QTRT2: variants seen among roughly 807,000 people sequenced by gnomAD.
QTRT2 encodes the protein queuine tRNA-ribosyltransferase accessory subunit 2, also known as queuine tRNA-ribosyltransferase domain containing 1.
A neutral mutation model predicts 44.8 loss-of-function variants in QTRT2; 32 were observed. That is an observed-to-expected ratio of 0.71 (90% CI 0.54 to 0.96). QTRT2 has a LOEUF of 0.96. Ranked by LOEUF, QTRT2 falls within the 40% of genes least tolerant of loss-of-function variation. The probability of loss-of-function intolerance (pLI) is 0.00; values close to 1 mark genes in which losing one functional copy is unlikely to be tolerated. For synonymous variants in QTRT2, 182 were observed against 187.4 expected (o/e 0.97, Z 0.24); for missense variants, 461 against 503.1 (o/e 0.92, Z 0.80).
chr3:114,077,390 G>A (rs60813875), intron 7 of QTRT2: 3,986 of 162,682 alleles, frequency 0.025, 152 homozygotes, highest in East Asian at 0.08. Context: ...TTAGATTTGA[G>A]GCTGGTAGTG....
At chr3:114,079,519 C>T (rs2077136730) in intron 7 of QTRT2, 2 of 167,800 alleles carry the variant, frequency 1.2e-5, no homozygotes, top group African/African-American at 2.4e-5. Context: ...GCCTGGGCAA[C>T]AAGAGTAAGA....
chr3:114,082,553 G>A, intron 8 of QTRT2, 124 bp from the exon 9 acceptor site: 1 of 519,724 alleles, frequency 1.9e-6, no homozygotes, highest in Non-Finnish European at 3.5e-6. Context: ...ATTTCCTTAG[G>A]ATAAATTCTC....
At chr3:114,081,575 C>A (rs2077165791) in intron 8 of QTRT2, among the ~76,000 whole-genome samples, 1 of 152,106 alleles carries the variant, frequency 6.6e-6, no homozygotes, top group Non-Finnish European at 1.5e-5. Flanking sequence ...GTAGCTGGGA[C>A]TACAGGTGCA....
rs564070554 is a variant in QTRT2 at position 114,065,472 on chromosome 3, C to A, written c.200+15C>A. The A allele has an allele frequency of 1.3e-6, 2 of 1,590,840 alleles. No individual in the cohort carries two copies. The highest frequency in any genetic ancestry group is 1.7e-5 in the Admixed American group (1 of 59,726). ...CTGTCATCCCTGTAAGTGTTAGAAC[C>A]AATGATTCAAGTATCAACTGTGGCA... On this transcript the variant is annotated intron_variant, in intron 3 of 9. Coordinates refer to ENST00000281273, the MANE Select transcript of QTRT2 (RefSeq NM_024638.4).
At chr3:114,063,899 A>G (rs2076919055) in intron 2 of QTRT2, among the ~76,000 whole-genome samples, 1 of 152,154 alleles carries the variant, frequency 6.6e-6, no homozygotes, top group African/African-American at 2.4e-5. Flanking sequence ...CTTTCAGAGT[A>G]TGGTATGCTA....
At chr3:114,057,213 C>CA (rs2076808408) in intron 2 of QTRT2, 107 bp downstream of exon 2, 1 of 356,518 alleles carries the variant, frequency 2.8e-6, no homozygotes, top group Non-Finnish European at 4.4e-6. Flanking sequence ...GGAGATGGCC[C>CA]ATGGAGCAAA....
intron 3 of QTRT2, 124 bp downstream of exon 3, chr3:114,065,581 A>G (rs1445503155): frequency 5.4e-6 from 4 of 742,878 alleles, no homozygotes; most frequent in African/African-American, 3.6e-5. Flanking sequence ...TAATGAAATC[A>G]GAAGAGAGGT....
chr3:114,076,823 A>C lies in QTRT2; in HGVS notation c.627A>C (p.Thr209=). The change falls in exon 7 of 10, where the codon ACA becomes ACC. Residue 209 remains threonine, a synonymous_variant. Coordinates refer to ENST00000281273, the MANE Select transcript of QTRT2 (RefSeq NM_024638.4). The part of the protein sequence containing the change: ...MEERLRSARE[T]AKRPVGGFLL... ...AGAGGCTGAGGTCAGCACGAGAGAC[A>C]GCCAAGCGGCCTGTGGGTGGCTTCC... 6.2e-7 allele frequency: 1 copy of C among 1,614,258 alleles called. No individual in the cohort carries two copies. The highest frequency in any genetic ancestry group is 8.5e-7 in the Non-Finnish European group (1 of 1,180,046).
rs2077262509 is a variant in QTRT2 at position 114,088,308 on chromosome 3, T to G, written c.*2404T>G. The G allele has an allele frequency of 2.0e-5, 3 of 152,318 alleles. No individual in the cohort carries two copies. The South Asian group carries it at 6.2e-4, about 32-fold the overall frequency. The allele number at this position is 152,318 out of a possible 1,614,324, so 9.4% of individuals were successfully genotyped here. A position where few individuals can be genotyped will look rare whatever the true frequency, so the allele number is the denominator to read the frequency against. ...TTCCTTTCCTTTATTGTAGTAAATCTATTAAAGGCAATAGCCAATAAAACA... is the reference window on the plus strand; with the variant it reads ...TTCCTTTCCTTTATTGTAGTAAATCGATTAAAGGCAATAGCCAATAAAACA... On this transcript the variant is annotated 3_prime_UTR_variant, in exon 10 of 10. Transcript: ENST00000281273.
chr3:114,084,528 G>T (rs2077211229), intron 9 of QTRT2, among the ~76,000 whole-genome samples: 1 of 152,080 alleles, frequency 6.6e-6, no homozygotes, highest in Non-Finnish European at 1.5e-5. Context: ...GCTGCAGTGT[G>T]CTATGATTGT....
intron 8 of QTRT2, 139 bp from the exon 9 acceptor site, chr3:114,082,538 G>C (rs1251433366): frequency 2.0e-6 from 1 of 491,046 alleles, no homozygotes; most frequent in African/African-American, 2.0e-5. Context: ...TCCTTTTCTT[G>C]TGTGATTTCC....
chr3:114,082,933 G>A (rs935970906), intron 9 of QTRT2, 139 bp downstream of exon 9: 9 of 629,210 alleles, frequency 1.4e-5, no homozygotes, highest in East Asian at 5.9e-5. Context: ...TCTCAAATTC[G>A]ATTTCAAAAA....
intron 8 of QTRT2, among the ~76,000 whole-genome samples, chr3:114,081,155 C>T (rs2077161184): frequency 6.6e-6 from 1 of 152,114 alleles, no homozygotes. Flanking sequence ...AGAACAAGAT[C>T]ATTTTTGGCC....
intron 8 of QTRT2, among the ~76,000 whole-genome samples, chr3:114,082,206 A>ACC (rs1451883284): frequency 6.8e-3 from 22 of 3,238 alleles, no homozygotes; most frequent in Non-Finnish European, 0.041. Context: ...TAACCCCACC[A>ACC]CACACACACA....
chr3:114,077,084 G>A, intron 7 of QTRT2, 142 bp downstream of exon 7: 1 of 746,486 alleles, frequency 1.3e-6, no homozygotes, highest in Non-Finnish European at 2.2e-6. Flanking sequence ...CTGCTGAGGT[G>A]CTGAGGCAGA....
At chr3:114,082,863 T>G in intron 9 of QTRT2, 69 bp downstream of exon 9, 2 of 721,198 alleles carry the variant, frequency 2.8e-6, no homozygotes, top group South Asian at 3.4e-5. Flanking sequence ...TAAAAGTTTA[T>G]GGGACAATTC....
At chr3:114,069,543 G>A (rs1205895462) in intron 5 of QTRT2, among the ~76,000 whole-genome samples, 1 of 152,138 alleles carries the variant, frequency 6.6e-6, no homozygotes, top group East Asian at 1.9e-4. Context: ...ATGGCCTCCA[G>A]TTCCATCTAT....
rs1577560373 is a variant in QTRT2 at position 114,087,919 on chromosome 3, T to C, written c.*2015T>C. 1 of 152,164 alleles carries C rather than the reference T, an allele frequency of 6.6e-6. No homozygotes were observed. Among genetic ancestry groups the C allele is most frequent in the East Asian group, 1.9e-4 (1 of 5,196 alleles). 9.4% of individuals were successfully genotyped at this position (152,164 alleles called of 1,614,324 possible). A position where few individuals can be genotyped will look rare whatever the true frequency, so the allele number is the denominator to read the frequency against. ...CCAGTATTGGGGATTACATTTCAAC[T>C]TGAGGTTTGGGCGGGAACAAATAGT... On this transcript the variant is annotated 3_prime_UTR_variant, in exon 10 of 10. Transcript: ENST00000281273.
At chr3:114,076,190 A>G (rs990710215) in intron 6 of QTRT2, among the ~76,000 whole-genome samples, 2 of 152,136 alleles carry the variant, frequency 1.3e-5, no homozygotes, top group South Asian at 4.1e-4. Flanking sequence ...TTCTTGAAAC[A>G]TGGTCTCACT....
Sources: allele counts gnomAD v4.1 joint callset (sites outside exome capture counted in the v4.1 genomes callset), GRCh38; gene constraint gnomAD v4.1.1; transcripts MANE v1.5; gene names NCBI Gene and HGNC (gene_info 2026-07-23, HGNC 2026-07-21).